The following XRCC5 variants were observed in gnomAD, a reference collection of about 807,000 sequenced individuals.
XRCC5 encodes the protein DNA repair protein Ku80.
Under a neutral mutation model 95.7 loss-of-function variants are expected in XRCC5, and 12 were observed. The ratio of observed to expected loss-of-function variants is 0.13; its 90% CI spans 0.08 to 0.20. The LOEUF (loss-of-function observed/expected upper bound fraction) is 0.20. Ranked by LOEUF, XRCC5 falls within the 10% of genes least tolerant of loss-of-function variation. XRCC5 has a pLI of 1.00. For missense variants in XRCC5, 595 were observed against 873.9 expected (o/e 0.68, Z 4.02); for synonymous variants, 281 against 290.3 (o/e 0.97, Z 0.33).
chr2:216,174,158 T>G (rs1435371641), intron 16 of XRCC5, among the ~76,000 whole-genome samples: 1 of 152,140 alleles, frequency 6.6e-6, no homozygotes, highest in Non-Finnish European at 1.5e-5. Context: ...AGCTTTTGTT[T>G]TGTTTTGTTT....
chr2:216,190,543 G>A (rs953906255), intron 17 of XRCC5, among the ~76,000 whole-genome samples: 1 of 152,174 alleles, frequency 6.6e-6, no homozygotes, highest in African/African-American at 2.4e-5. Flanking sequence ...AGTAGGTAGG[G>A]TGTTTTATCC....
At chr2:216,188,363 C>T (rs1296823442) in intron 16 of XRCC5, among the ~76,000 whole-genome samples, 1 of 152,222 alleles carries the variant, frequency 6.6e-6, no homozygotes, top group Non-Finnish European at 1.5e-5. Context: ...CCCTATTCAA[C>T]TGCAAACTCC....
At chr2:216,175,259 T>A (rs1689251316) in intron 16 of XRCC5, 2 of 417,610 alleles carry the variant, frequency 4.8e-6, no homozygotes, top group South Asian at 1.8e-5. Flanking sequence ...ACACCCTCCA[T>A]AACCACCTCT....
chr2:216,144,376 A>T (rs1688578863), intron 13 of XRCC5, among the ~76,000 whole-genome samples: 1 of 152,222 alleles, frequency 6.6e-6, no homozygotes, highest in African/African-American at 2.4e-5. Flanking sequence ...CTTGTATGCC[A>T]TACTCAGTCA....
rs1192518336 is a variant in XRCC5, at chr2:216,127,852, A to G, written c.937+178A>G. 1.1e-5 allele frequency: 6 copies of G among 560,098 alleles called. No individual in the cohort carries two copies. In the East Asian group the frequency reaches 2.3e-4, roughly 21 times the overall value. 34.7% of individuals were successfully genotyped at this position (560,098 alleles called of 1,614,324 possible). A position where few individuals can be genotyped will look rare whatever the true frequency, so the allele number is the denominator to read the frequency against. On this transcript the variant is annotated intron_variant, in intron 8 of 20. Transcript: ENST00000392132. ...TTAGCTCATTTGTTGGGTCTTAGGCAGGTTGCTTCTCAGGAGTACACTTGG... is the reference window on the plus strand; with the variant it reads ...TTAGCTCATTTGTTGGGTCTTAGGCGGGTTGCTTCTCAGGAGTACACTTGG...
At chr2:216,171,339 G>A (rs1305274323) in intron 16 of XRCC5, among the ~76,000 whole-genome samples, 1 of 152,182 alleles carries the variant, frequency 6.6e-6, no homozygotes, top group African/African-American at 2.4e-5. Flanking sequence ...GAAAAATGTC[G>A]TGCTTGCTTC....
At chr2:216,199,403 C>T (rs979796253) in intron 19 of XRCC5, among the ~76,000 whole-genome samples, 3 of 152,214 alleles carry the variant, frequency 2.0e-5, no homozygotes, top group Admixed American at 6.5e-5. Flanking sequence ...AGCTCTGCTA[C>T]AGAAATAGAA....
intron 5 of XRCC5, 29 bp downstream of exon 5, chr2:216,119,194 C>T (rs963194600): frequency 6.2e-7 from 1 of 1,612,246 alleles, no homozygotes; most frequent in East Asian, 2.2e-5. Flanking sequence ...TGCATGTAGA[C>T]AAATCCTATG....
chr2:216,169,978 G>A (rs184739938), intron 16 of XRCC5, among the ~76,000 whole-genome samples: 35 of 142,180 alleles, frequency 2.5e-4, no homozygotes, highest in African/African-American at 8.8e-4. Context: ...GGCGGAGGTT[G>A]CAGTGAGCTG....
At chr2:216,171,258 A>G (rs1455265962) in intron 16 of XRCC5, among the ~76,000 whole-genome samples, 1 of 152,246 alleles carries the variant, frequency 6.6e-6, no homozygotes, top group African/African-American at 2.4e-5. Context: ...ATATGCTGAC[A>G]CAGAAAGAAG....
chr2:216,172,864 T>A (rs954895178), intron 16 of XRCC5, among the ~76,000 whole-genome samples: 2 of 152,198 alleles, frequency 1.3e-5, no homozygotes, highest in Non-Finnish European at 2.9e-5. Flanking sequence ...TTAATAATAC[T>A]GAGTTATCCA....
At chr2:216,112,292 C>T (rs1323847835) in intron 1 of XRCC5, among the ~76,000 whole-genome samples, 1 of 152,214 alleles carries the variant, frequency 6.6e-6, no homozygotes, top group African/African-American at 2.4e-5. Context: ...CTCATTAAGA[C>T]TCACCCAAGG....
At chr2:216,141,456 A>T in intron 13 of XRCC5, 137 bp downstream of exon 13, 3 of 697,568 alleles carry the variant, frequency 4.3e-6, no homozygotes, top group South Asian at 3.1e-5. Flanking sequence ...ATGGAAGAAT[A>T]ACATCTTCCT....
chr2:216,118,954 G>A lies in XRCC5; in HGVS notation c.369-89G>A, dbSNP rs1696751630. ...TTATTAACTCTAGATCCATTTCTAAGCTTCTCTCCTCAGTGACCAAGTGTA... is the reference window on the plus strand; with the variant it reads ...TTATTAACTCTAGATCCATTTCTAAACTTCTCTCCTCAGTGACCAAGTGTA... On this transcript the variant is annotated intron_variant, in intron 4 of 20. Transcript: ENST00000392132. The A allele has an allele frequency of 5.1e-6, 7 of 1,385,752 alleles. No individual in the cohort carries two copies. In the South Asian group the frequency reaches 7.5e-5, roughly 15 times the overall value. 85.8% of individuals were successfully genotyped at this position (1,385,752 alleles called of 1,614,324 possible). A position where few individuals can be genotyped will look rare whatever the true frequency, so the allele number is the denominator to read the frequency against.
intron 6 of XRCC5, among the ~76,000 whole-genome samples, chr2:216,124,637 G>T (rs1356758898): frequency 6.6e-6 from 1 of 152,154 alleles, no homozygotes; most frequent in Non-Finnish European, 1.5e-5. Context: ...ACTATTCGTT[G>T]TAAATTATTT....
chr2:216,166,377 C>A (rs529588802), intron 16 of XRCC5, among the ~76,000 whole-genome samples: 1 of 152,268 alleles, frequency 6.6e-6, no homozygotes, highest in East Asian at 1.9e-4. Flanking sequence ...CTGCCTTGGC[C>A]TCCCAAAGTG....
intron 16 of XRCC5, among the ~76,000 whole-genome samples, chr2:216,181,074 A>G (rs921335561): frequency 6.6e-6 from 1 of 151,890 alleles, no homozygotes; most frequent in Non-Finnish European, 1.5e-5. Context: ...CGGCCTCCCA[A>G]AGTGCTGGGA....
At chr2:216,111,567 C>CTGT in intron 1 of XRCC5, 1 of 272,574 alleles carries the variant, frequency 3.7e-6, no homozygotes, top group South Asian at 2.8e-5. Flanking sequence ...TGTTATGTTC[C>CTGT]CTTTAATCTT....
chr2:216,183,366 C>T (rs1689427327), intron 16 of XRCC5, among the ~76,000 whole-genome samples: 1 of 152,106 alleles, frequency 6.6e-6, no homozygotes. Context: ...AAACACCCAG[C>T]AGGACTTACT....
Sources: gnomAD v4.1 joint callset for allele counts (sites outside exome capture counted in the v4.1 genomes callset) on GRCh38, gnomAD v4.1.1 for gene constraint, MANE v1.5 for transcripts, NCBI Gene and HGNC (gene_info 2026-07-23, HGNC 2026-07-21) for gene names.